The following AASS variants were observed in gnomAD, a reference collection of about 807,000 sequenced individuals.
AASS encodes alpha-aminoadipic semialdehyde synthase, mitochondrial.
In AASS, 86 loss-of-function variants were observed where a neutral mutation model predicts 105.4. The observed-to-expected ratio is 0.82, with a 90% CI of 0.69 to 0.98. The LOEUF (loss-of-function observed/expected upper bound fraction) is 0.98. AASS is among the 50% of genes least tolerant of loss of function. The probability of loss-of-function intolerance (pLI) is 0.00; values close to 1 mark genes in which losing one functional copy is unlikely to be tolerated. For synonymous variants in AASS, 381 were observed against 394.8 expected (o/e 0.96, Z 0.41); for missense variants, 1,048 against 1,143.2 (o/e 0.92, Z 1.20).
rs192053254 is a variant in AASS, at chr7:122,111,264, C to A, written c.1278+1854G>T. 3.1e-3 allele frequency among the ~76,000 whole-genome samples: 476 copies of A among 151,884 alleles called. 8 individuals are homozygous for A. The Middle Eastern group carries it at 0.048, about 15-fold the overall frequency. On this transcript the variant is annotated intron_variant, in intron 11 of 23. Coordinates refer to ENST00000417368, the MANE Select transcript of AASS (RefSeq NM_005763.4). ...CTCTCTGCAGAAAAAGAGAAAATAC[C>A]AAAACAAAATTTTTAAAAAAGAACC...
At chr7:122,082,731 T>C (rs1793421521) in intron 19 of AASS, 5 of 899,964 alleles carry the variant, frequency 5.6e-6, no homozygotes, top group South Asian at 5.5e-5. Context: ...ATTATATTAA[T>C]AGGTGCTAGG....
Position 122,081,552 on chromosome 7 carries a change from A to T in AASS, c.2228T>A (p.Ile743Lys), listed in dbSNP as rs1411995864. Residue 743 changes from isoleucine (I) to lysine (K), a missense_variant, in exon 20 of 24, where the codon ATA becomes AAA. Transcript: ENST00000417368. ...AAAGGCAGGAAGCGCTTCTCTGTTT[A>T]TAAGACCTAATTTTACAAATCCATT... Reference protein sequence around the residue: ...ALNGFVKLGLINREALPAFRP... With the variant: ...ALNGFVKLGLKNREALPAFRP... 1.9e-6 allele frequency: 3 copies of T among 1,613,976 alleles called. No individual in the cohort carries two copies. The South Asian group carries it at 3.3e-5, about 18-fold the overall frequency.
chr7:122,073,947 T>C lies in AASS; in HGVS notation c.*2542A>G, dbSNP rs778706970. Among the ~76,000 whole-genome samples the C allele has an allele frequency of 1.3e-4, 20 of 152,220 alleles. No individual in the cohort carries two copies. Among genetic ancestry groups the C allele is most frequent in the Non-Finnish European group, 2.9e-4 (20 of 68,046 alleles). ...TTATTGCTGAATAATATTCCTTGTA[T>C]GGATATGCCACGTTTTGTTTATTCA... On this transcript the variant is annotated 3_prime_UTR_variant, in exon 24 of 24. Coordinates refer to ENST00000417368, the MANE Select transcript of AASS (RefSeq NM_005763.4).
Position 122,079,737 on chromosome 7 carries a change from T to G in AASS, c.2281-25A>C, listed in dbSNP as rs749939860. On this transcript the variant is annotated intron_variant, in intron 20 of 23. Coordinates refer to ENST00000417368, the MANE Select transcript of AASS (RefSeq NM_005763.4). ...TCTGGTTAGAAAAAGAAATACAATA[T>G]TTCTAAGTCCCTAACAAATTTTTTT... The G allele has an allele frequency of 1.3e-5, 21 of 1,561,088 alleles. No homozygotes were observed. In the African/African-American group the frequency reaches 2.3e-4, roughly 17 times the overall value.
At chr7:122,084,918 T>C (rs1283266369) in intron 19 of AASS, among the ~76,000 whole-genome samples, 1 of 152,034 alleles carries the variant, frequency 6.6e-6, no homozygotes, top group African/African-American at 2.4e-5. Flanking sequence ...GAAATACATG[T>C]ATTTTAGGTA....
chr7:122,080,696 A>C lies in AASS; in HGVS notation c.2280+804T>G, dbSNP rs189996703. Among the ~76,000 whole-genome samples, 212 of 152,352 alleles carry C rather than the reference A, an allele frequency of 1.4e-3. 1 individual carries two copies. Among genetic ancestry groups the C allele is most frequent in the African/African-American group, 4.6e-3 (191 of 41,586 alleles). On this transcript the variant is annotated intron_variant, in intron 20 of 23. Coordinates refer to ENST00000417368, the MANE Select transcript of AASS (RefSeq NM_005763.4). Reference sequence around the variant, plus strand: ...CCCAGATGGGGTTATTATACATTGCATGCCTATTTCAAAATATATCATGTC... The same window carrying C: ...CCCAGATGGGGTTATTATACATTGCCTGCCTATTTCAAAATATATCATGTC...
chr7:122,089,254 G>C (rs1231363226), intron 18 of AASS, among the ~76,000 whole-genome samples: 3 of 152,102 alleles, frequency 2.0e-5, no homozygotes, highest in Non-Finnish European at 2.9e-5. Flanking sequence ...GCAGCACCTA[G>C]AAAATTCTTA....
At chr7:122,110,292 G>C (rs1794870348) in intron 11 of AASS, among the ~76,000 whole-genome samples, 1 of 150,766 alleles carries the variant, frequency 6.6e-6, no homozygotes, top group South Asian at 2.1e-4. Context: ...TCAGGAAAAA[G>C]AGAAATCACT....
intron 15 of AASS, among the ~76,000 whole-genome samples, chr7:122,096,170 CTT>C (rs1794145447): frequency 6.6e-6 from 1 of 152,054 alleles, no homozygotes; most frequent in Non-Finnish European, 1.5e-5. Flanking sequence ...TTCAAAGAAA[CTT>C]GAAATCAATT....
intron 2 of AASS, among the ~76,000 whole-genome samples, chr7:122,132,430 G>A (rs1253945173): frequency 6.6e-6 from 1 of 152,178 alleles, no homozygotes; most frequent in Non-Finnish European, 1.5e-5. Context: ...GATTATCAAT[G>A]GAGGCTGACA....
rs989081572 is a variant in AASS, at chr7:122,073,885, C to G, written c.*2604G>C. On this transcript the variant is annotated 3_prime_UTR_variant, in exon 24 of 24. Coordinates refer to ENST00000417368, the MANE Select transcript of AASS (RefSeq NM_005763.4). ...CACTTGATATGTTTTCAAGGTTTTTCCATGTTGTGGTGCATATCAGTACTT... is the reference window on the plus strand; with the variant it reads ...CACTTGATATGTTTTCAAGGTTTTTGCATGTTGTGGTGCATATCAGTACTT... Among the ~76,000 whole-genome samples the G allele has an allele frequency of 6.6e-6, 1 of 152,100 alleles. No homozygotes were observed. Among genetic ancestry groups the G allele is most frequent in the African/African-American group, 2.4e-5 (1 of 41,412 alleles).
rs1157117749 is a variant in AASS, at chr7:122,075,541, A to C, written c.*948T>G. 2 of 152,200 alleles carry C rather than the reference A, an allele frequency of 1.3e-5. No homozygotes were observed. The highest frequency in any genetic ancestry group is 6.5e-5 in the Admixed American group (1 of 15,286). 9.4% of individuals were successfully genotyped at this position (152,200 alleles called of 1,614,324 possible). On this transcript the variant is annotated 3_prime_UTR_variant, in exon 24 of 24. Coordinates refer to ENST00000417368, the MANE Select transcript of AASS (RefSeq NM_005763.4). ...GGAAATAATCCAGTCCTTCACCATT[A>C]AGTATGATGCTAACCATGGGTTCTT...
rs1246023060 is a variant in AASS, at chr7:122,118,333, A to T, written c.661T>A (p.Phe221Ile). The change falls in exon 6 of 24, where the codon TTC (phenylalanine) becomes ATC (isoleucine). Residue 221 changes from phenylalanine to isoleucine, a missense_variant. By Grantham distance (21) the Phe-to-Ile change is conservative. Coordinates refer to ENST00000417368, the MANE Select transcript of AASS (RefSeq NM_005763.4). ...PKSIGPLTFVFTGTGNVSKGA... is the reference protein window; with the variant it reads ...PKSIGPLTFVITGTGNVSKGA... ...TTAGAAACATTACCAGTTCCTGTGAACACAAATGTTAAGGGTCCTATTGAC... is the reference window on the plus strand; with the variant it reads ...TTAGAAACATTACCAGTTCCTGTGATCACAAATGTTAAGGGTCCTATTGAC... 2 of 1,614,192 alleles carry T rather than the reference A, an allele frequency of 1.2e-6. No individual in the cohort carries two copies. The highest frequency in any genetic ancestry group is 1.7e-6 in the Non-Finnish European group (2 of 1,180,032).
chr7:122,125,544 T>A (rs1245221592), intron 4 of AASS, among the ~76,000 whole-genome samples: 1 of 152,224 alleles, frequency 6.6e-6, no homozygotes, highest in Non-Finnish European at 1.5e-5. Context: ...TTCCATTGGC[T>A]GGAACGAGAC....
In AASS at chr7:122,074,272, T is replaced by A. The variant is rs1389023226; in HGVS notation, c.*2217A>T. 1.3e-5 allele frequency among the ~76,000 whole-genome samples: 2 copies of A among 152,188 alleles called. No individual in the cohort carries two copies. The highest frequency in any genetic ancestry group is 2.4e-5 in the African/African-American group (1 of 41,448). On this transcript the variant is annotated 3_prime_UTR_variant, in exon 24 of 24. Coordinates refer to ENST00000417368, the MANE Select transcript of AASS (RefSeq NM_005763.4). ...CATGTGCTTATTGGCCTTTTGTGTA[T>A]CTTCTTTGGAGAACTGTTAATTCAG...
intron 1 of AASS, among the ~76,000 whole-genome samples, chr7:122,141,038 T>C (rs1796370073): frequency 6.6e-6 from 1 of 152,148 alleles, no homozygotes; most frequent in Admixed American, 6.5e-5. Context: ...AGTTCCAGAA[T>C]TAACACAGCA....
At chr7:122,140,487 A>AAAAAAAAAAAAAAAAC (rs1796340077) in intron 1 of AASS, among the ~76,000 whole-genome samples, 1 of 136,396 alleles carries the variant, frequency 7.3e-6, no homozygotes, top group Non-Finnish European at 1.5e-5. Context: ...CTCAGTCTCA[A>AAAAAAAAAAAAAAAAC]AAAAAAAAAA....
intron 6 of AASS, among the ~76,000 whole-genome samples, chr7:122,117,360 A>G (rs1056673801): frequency 6.6e-6 from 1 of 152,174 alleles, no homozygotes; most frequent in African/African-American, 2.4e-5. Context: ...TATTTGTAAA[A>G]TATTTTCTTT....
At chr7:122,085,230 A>G (rs1050700251) in intron 19 of AASS, among the ~76,000 whole-genome samples, 1 of 152,158 alleles carries the variant, frequency 6.6e-6, no homozygotes, top group African/African-American at 2.4e-5. Flanking sequence ...TTGATTTCAG[A>G]CTTCTGGCCT....
Sources: allele counts gnomAD v4.1 joint callset (sites outside exome capture counted in the v4.1 genomes callset), GRCh38; gene constraint gnomAD v4.1.1; transcripts MANE v1.5; gene names NCBI Gene and HGNC (gene_info 2026-07-23, HGNC 2026-07-21).